WDR31: variants seen among roughly 807,000 people sequenced by gnomAD.
WDR31 encodes WD repeat-containing protein 31.
In WDR31, 30 loss-of-function variants were observed where a neutral mutation model predicts 47.3. That is an observed-to-expected ratio of 0.63 (90% CI 0.47 to 0.86). The LOEUF (loss-of-function observed/expected upper bound fraction) is 0.86, where lower values mean the gene tolerates loss of function less well. WDR31 is among the 40% of genes least tolerant of loss of function. WDR31 has a pLI of 0.00. For synonymous variants in WDR31, 137 were observed against 159.4 expected, an observed-to-expected ratio of 0.86 and a Z score of 1.06; for missense variants, 406 against 442.9, an observed-to-expected ratio of 0.92 and a Z score of 0.75.
At chr9:113,318,371 A>G in intron 10 of WDR31, 104 bp downstream of exon 10, 2 of 1,350,760 alleles carry the variant, frequency 1.5e-6, no homozygotes, top group Admixed American at 3.5e-5. Flanking sequence ...ACAGTGGCAG[A>G]AGATGGGTGG....
chr9:113,328,897 T>C lies in WDR31; in HGVS notation c.308A>G (p.Glu103Gly), dbSNP rs1192212083. 1 of 1,614,006 alleles carries C rather than the reference T, an allele frequency of 6.2e-7. No individual in the cohort carries two copies. Among genetic ancestry groups the C allele is most frequent in the Admixed American group, 1.7e-5 (1 of 60,034 alleles). ...GAAAATTACCTTGGTGATCTCATGT[T>C]CATGTCCTTTGAACCTTTTCACCAC... ...GNVVKRFKGH[E>G]HEITKVACIP... The change falls in exon 5 of 11, where the codon GAA becomes GGA. Residue 103 changes from glutamate to glycine, a missense_variant. Coordinates refer to ENST00000374193, the MANE Select transcript of WDR31 (RefSeq NM_001012361.4).
In WDR31 at chr9:113,320,259, A is replaced by G. The variant is rs1833295349; in HGVS notation, c.780+98T>C. On this transcript the variant is annotated intron_variant, in intron 9 of 10. Coordinates refer to ENST00000374193, the MANE Select transcript of WDR31 (RefSeq NM_001012361.4). ...GCTTTTGAAAGAGGCCTGAGCCATT[A>G]GCAAAGCCCGCCTGTGTAGCACAGC... The G allele has an allele frequency of 2.7e-6, 4 of 1,485,794 alleles. No individual in the cohort carries two copies. In the African/African-American group the frequency reaches 5.6e-5, roughly 21 times the overall value. 92.0% of individuals were successfully genotyped at this position (1,485,794 alleles called of 1,614,324 possible).
intron 5 of WDR31, among the ~76,000 whole-genome samples, chr9:113,324,740 C>T (rs573797667): frequency 2.6e-5 from 4 of 151,708 alleles, no homozygotes; most frequent in South Asian, 2.1e-4. Context: ...TGTATATTAC[C>T]GCATTTTGTT....
At chr9:113,322,604 G>A (rs1680060667) in intron 7 of WDR31, among the ~76,000 whole-genome samples, 1 of 152,144 alleles carries the variant, frequency 6.6e-6, no homozygotes, top group Admixed American at 6.5e-5. Flanking sequence ...ATATAAGTGA[G>A]TAAAATCATT....
chr9:113,329,441 G>A (rs1833546149), intron 4 of WDR31, among the ~76,000 whole-genome samples: 2 of 151,820 alleles, frequency 1.3e-5, no homozygotes, highest in Non-Finnish European at 2.9e-5. Context: ...GGGAGTTTGA[G>A]ACCAGACTGA....
intron 9 of WDR31, 113 bp from the exon 10 acceptor site, chr9:113,318,750 T>A: frequency 9.2e-7 from 1 of 1,090,684 alleles, no homozygotes; most frequent in Non-Finnish European, 1.3e-6. Flanking sequence ...CCTGCTCACG[T>A]AGCTACCCCT....
intron 1 of WDR31, among the ~76,000 whole-genome samples, chr9:113,338,928 C>A (rs938171611): frequency 1.3e-5 from 2 of 152,112 alleles, no homozygotes; most frequent in Non-Finnish European, 2.9e-5. Flanking sequence ...CAGTGGTACA[C>A]TTTTTAGGGA....
chr9:113,335,758 T>C (rs1833703608), intron 2 of WDR31, among the ~76,000 whole-genome samples: 1 of 152,140 alleles, frequency 6.6e-6, no homozygotes, highest in African/African-American at 2.4e-5. Flanking sequence ...CCTCATCCCA[T>C]TATGTGTCCT....
intron 10 of WDR31, 95 bp downstream of exon 10, chr9:113,318,379 TG>T: frequency 7.0e-7 from 1 of 1,424,574 alleles, no homozygotes. Context: ...AGAAGATGGG[TG>T]GCTTTGTAAT....
chr9:113,320,144 T>C (rs1378481819), intron 9 of WDR31, among the ~76,000 whole-genome samples: 2 of 152,256 alleles, frequency 1.3e-5, no homozygotes, highest in Non-Finnish European at 2.9e-5. Context: ...AGTCTCAAAC[T>C]CCTGGGCTCA....
intron 5 of WDR31, among the ~76,000 whole-genome samples, chr9:113,325,026 A>C (rs1833430018): frequency 6.6e-6 from 1 of 151,814 alleles, no homozygotes; most frequent in East Asian, 1.9e-4. Context: ...GCTCACTGCA[A>C]CCTCTGCCTC....
At chr9:113,339,943 C>A (rs1213564119) in intron 1 of WDR31, among the ~76,000 whole-genome samples, 3 of 152,136 alleles carry the variant, frequency 2.0e-5, no homozygotes, top group Admixed American at 2.0e-4. Flanking sequence ...CTGTGTTGCC[C>A]AGGATGGTCT....
At chr9:113,320,618 C>A in intron 8 of WDR31, 120 bp from the exon 9 acceptor site, 1 of 1,259,908 alleles carries the variant, frequency 7.9e-7, no homozygotes, top group Non-Finnish European at 1.1e-6. Context: ...ATTGGAATGG[C>A]ATGATTTACC....
intron 1 of WDR31, among the ~76,000 whole-genome samples, chr9:113,336,930 T>C (rs920909749): frequency 3.3e-5 from 5 of 152,242 alleles, no homozygotes; most frequent in Non-Finnish European, 7.3e-5. Flanking sequence ...CTCAAAATTA[T>C]AACTAAGTAA....
In WDR31 at chr9:113,314,067, G is replaced by A. The variant is rs1833133952; in HGVS notation, c.*2682C>T. ...CCCAGCTATTCGGGAGGCTGAGGCA[G>A]GAGAATGGCGTCAACCCGGGAGGCG... On this transcript the variant is annotated 3_prime_UTR_variant, in exon 11 of 11. Transcript: ENST00000374193. The A allele has an allele frequency of 6.7e-6, 1 of 148,992 alleles. No individual in the cohort carries two copies. Among genetic ancestry groups the A allele is most frequent in the Non-Finnish European group, 1.5e-5 (1 of 67,418 alleles). The allele number at this position is 148,992 out of a possible 1,614,324, so 9.2% of individuals were successfully genotyped here. A position where few individuals can be genotyped will look rare whatever the true frequency, so the allele number is the denominator to read the frequency against.
chr9:113,318,666 T>C (rs931725441), intron 9 of WDR31, 29 bp from the exon 10 acceptor site: 17 of 1,612,214 alleles, frequency 1.1e-5, no homozygotes, highest in African/African-American at 4.0e-5. Context: ...GACCAGCTCA[T>C]AGTCACTTGT....
intron 5 of WDR31, among the ~76,000 whole-genome samples, chr9:113,324,029 C>CT (rs150969879): frequency 0.15 from 22,309 of 151,194 alleles, 2,103 homozygotes; most frequent in Non-Finnish European, 0.21. Flanking sequence ...CATCGTGTTT[C>CT]TTTTTTTTTG....
Position 113,328,710 on chromosome 9 carries a change from C to T in WDR31, c.324+171G>A, listed in dbSNP as rs1833529885. ...ATTGTGTTCGATATGCCTGTAACAACAACTAAGTGAATGGTTTGCTCTGTT... is the reference window on the plus strand; with the variant it reads ...ATTGTGTTCGATATGCCTGTAACAATAACTAAGTGAATGGTTTGCTCTGTT... On this transcript the variant is annotated intron_variant, in intron 5 of 10. Coordinates refer to ENST00000374193, the MANE Select transcript of WDR31 (RefSeq NM_001012361.4). Among the ~76,000 whole-genome samples, 4 of 152,210 alleles carry T rather than the reference C, an allele frequency of 2.6e-5. 1 individual carries two copies. The South Asian group carries it at 6.2e-4, about 24-fold the overall frequency.
chr9:113,321,468 A>C (rs770243884), intron 8 of WDR31, 43 bp downstream of exon 8: 5 of 1,602,016 alleles, frequency 3.1e-6, no homozygotes, highest in Non-Finnish European at 4.3e-6. Context: ...TGGGAGCCAC[A>C]AACCTCACAA....
Sources: allele counts gnomAD v4.1 joint callset (sites outside exome capture counted in the v4.1 genomes callset), GRCh38; gene constraint gnomAD v4.1.1; transcripts MANE v1.5; gene names NCBI Gene and HGNC (gene_info 2026-07-23, HGNC 2026-07-21).